Variants in CSMD1 observed in about 807,000 individuals in gnomAD.
The protein encoded by CSMD1 is CUB and Sushi multiple domains 1.
A neutral mutation model predicts 417.5 loss-of-function variants in CSMD1; 213 were observed. The observed-to-expected ratio is 0.51, with a 90% CI of 0.46 to 0.57. The LOEUF (loss-of-function observed/expected upper bound fraction) is 0.57, where lower values mean the gene tolerates loss of function less well. Among genes scored for constraint, CSMD1 ranks in the 20% least tolerant of loss-of-function variants. The probability of loss-of-function intolerance (pLI) is 0.00; values close to 1 mark genes in which losing one functional copy is unlikely to be tolerated. For missense variants in CSMD1, 6,923 were observed against 4,529.7 expected (o/e 1.53, Z -15.17); for synonymous variants, 2,862 against 1,736.8 (o/e 1.65, Z -16.11).
chr8:4,158,602 T>C (rs1796972638), intron 3 of CSMD1, among the ~76,000 whole-genome samples: 1 of 152,176 alleles, frequency 6.6e-6, no homozygotes, highest in Non-Finnish European at 1.5e-5. Flanking sequence ...CTTCTTATTT[T>C]TCTGGCCCAG....
At chr8:2,955,537 T>C (rs949565269) in intron 64 of CSMD1, 52 bp downstream of exon 64, 18 of 1,582,572 alleles carry the variant, frequency 1.1e-5, no homozygotes, top group Non-Finnish European at 1.6e-5. Context: ...GGGCAGCTGA[T>C]CCTTTCCCTT....
At position 4,110,485 on chromosome 8, in the gene CSMD1, A is replaced by G. The variant is rs574374079; in HGVS notation, c.416-78386T>C. Among the ~76,000 whole-genome samples, 43 of 152,272 alleles carry G rather than the reference A, an allele frequency of 2.8e-4. No individual in the cohort carries two copies. In the South Asian group the frequency reaches 8.9e-3, roughly 32 times the overall value. The stretch of plus-strand genomic sequence containing the variant: ...TCTCATAAATACTCCAAGAAATGTT[A>G]ACTTTTCATATATTATTTTCCCCTA... On this transcript the variant is annotated intron_variant, in intron 3 of 69. Coordinates refer to ENST00000635120, the MANE Select transcript of CSMD1 (RefSeq NM_033225.6).
intron 3 of CSMD1, among the ~76,000 whole-genome samples, chr8:4,086,220 C>T (rs924436251): frequency 3.3e-5 from 5 of 152,088 alleles, no homozygotes; most frequent in Admixed American, 2.6e-4. Flanking sequence ...TCACATCACT[C>T]TTCTGGTACA....
chr8:3,909,367 G>A (rs182569481), intron 5 of CSMD1, among the ~76,000 whole-genome samples: 280 of 152,194 alleles, frequency 1.8e-3, no homozygotes, highest in Non-Finnish European at 2.9e-3. Flanking sequence ...ACTCACATTC[G>A]TCAGGAGGAA....
chr8:4,290,248 C>T (rs912450626), intron 3 of CSMD1, among the ~76,000 whole-genome samples: 1 of 151,924 alleles, frequency 6.6e-6, no homozygotes. Flanking sequence ...TGTTTAGGCC[C>T]GAGGGTGATG....
At chr8:3,511,863 C>T (rs1201133598) in intron 10 of CSMD1, among the ~76,000 whole-genome samples, 1 of 149,610 alleles carries the variant, frequency 6.7e-6, no homozygotes, top group Non-Finnish European at 1.5e-5. Flanking sequence ...ATGTAATATG[C>T]AATTTATCGC....
intron 10 of CSMD1, among the ~76,000 whole-genome samples, chr8:3,565,131 C>CAAAAAAAAAAAAAAAAAAAAAAAA (rs869248314): frequency 1.9e-4 from 2 of 10,450 alleles, no homozygotes; most frequent in African/African-American, 2.7e-4. Flanking sequence ...TGCAAGACAG[C>CAAAAAAAAAAAAAAAAAAAAAAAA]AAAAAAAAAA....
intron 42 of CSMD1, among the ~76,000 whole-genome samples, chr8:3,112,779 A>T (rs975753133): frequency 7.9e-5 from 12 of 152,194 alleles, no homozygotes; most frequent in Non-Finnish European, 1.6e-4. Context: ...TGTGAAGGAA[A>T]ATAACAGACG....
chr8:4,428,000 G>C (rs1315303779), intron 2 of CSMD1, among the ~76,000 whole-genome samples: 5 of 152,134 alleles, frequency 3.3e-5, no homozygotes, highest in Non-Finnish European at 7.4e-5. Context: ...CAGTAGTAAA[G>C]ATATTCCAAG....
At chr8:4,771,574 G>T (rs769537256) in intron 1 of CSMD1, among the ~76,000 whole-genome samples, 1 of 152,196 alleles carries the variant, frequency 6.6e-6, no homozygotes, top group African/African-American at 2.4e-5. Flanking sequence ...ATCCTGAAAA[G>T]AAATGGGATG....
chr8:4,449,655 C>A (rs758235378), intron 2 of CSMD1, among the ~76,000 whole-genome samples: 1 of 152,084 alleles, frequency 6.6e-6, no homozygotes, highest in African/African-American at 2.4e-5. Flanking sequence ...AGATCATGAA[C>A]ATAATCAGCC....
chr8:4,797,386 C>A (rs1307993024), intron 1 of CSMD1, among the ~76,000 whole-genome samples: 4 of 152,128 alleles, frequency 2.6e-5, no homozygotes, highest in African/African-American at 4.8e-5. Context: ...CCGCCTGAAT[C>A]TAGGGATCAA....
At chr8:4,212,751 CTTTTTTTTTTTT>C (rs5889027) in intron 3 of CSMD1, among the ~76,000 whole-genome samples, 1 of 99,268 alleles carries the variant, frequency 1.0e-5, no homozygotes, top group Admixed American at 1.1e-4. Context: ...CGGCCTTATT[CTTTTTTTTTTTT>C]TTTTTTTTTT....
intron 3 of CSMD1, among the ~76,000 whole-genome samples, chr8:4,148,073 G>C (rs1252898379): frequency 1.3e-5 from 2 of 152,092 alleles, no homozygotes; most frequent in African/African-American, 2.4e-5. Flanking sequence ...GCAGGAGGAA[G>C]ACTTTTCTCT....
At chr8:3,028,786 C>T (rs888733464) in intron 51 of CSMD1, among the ~76,000 whole-genome samples, 1 of 152,168 alleles carries the variant, frequency 6.6e-6, no homozygotes, top group African/African-American at 2.4e-5. Flanking sequence ...AGATTGTATA[C>T]TAGACACATC....
chr8:4,367,741 A>C (rs1443885010), intron 3 of CSMD1, among the ~76,000 whole-genome samples: 1 of 152,098 alleles, frequency 6.6e-6, no homozygotes, highest in Non-Finnish European at 1.5e-5. Context: ...TTCTTTCAGC[A>C]GTGTTTTGTA....
rs2129006101 is a variant in CSMD1, at chr8:3,087,097, C to T, written c.7474G>A (p.Ala2492Thr). The change falls in exon 49 of 70, where the codon GCT becomes ACT. Residue 2492 changes from alanine to threonine, a missense_variant and splice_region_variant. Physicochemically the swap from Ala to Thr is moderately conservative, Grantham distance 58 (BLOSUM62 0). Transcript: ENST00000635120. Reference sequence around the variant, plus strand: ...CTGGGGATGAAAACGCATTTCTTACCCTGGCAGAGTGGCGTGAGGGAGTCC... The same window carrying T: ...CTGGGGATGAAAACGCATTTCTTACTCTGGCAGAGTGGCGTGAGGGAGTCC... ...QWDSLTPLCQAVSCGIPESPG... is the reference protein window; with the variant it reads ...QWDSLTPLCQTVSCGIPESPG... 2 of 1,612,556 alleles carry T rather than the reference C, an allele frequency of 1.2e-6. No individual in the cohort carries two copies. Among genetic ancestry groups the T allele is most frequent in the Non-Finnish European group, 8.5e-7 (1 of 1,179,482 alleles).
intron 2 of CSMD1, among the ~76,000 whole-genome samples, chr8:4,545,436 G>C (rs1585230806): frequency 6.6e-6 from 1 of 152,190 alleles, no homozygotes; most frequent in Non-Finnish European, 1.5e-5. Flanking sequence ...TACATATTAG[G>C]AGAGAGGTAA....
intron 3 of CSMD1, among the ~76,000 whole-genome samples, chr8:4,296,935 G>A (rs79649354): frequency 6.6e-6 from 1 of 151,946 alleles, no homozygotes. Context: ...ATGGACAATG[G>A]TACACAAATG....
Sources: allele counts gnomAD v4.1 joint callset (sites outside exome capture counted in the v4.1 genomes callset), GRCh38; gene constraint gnomAD v4.1.1; transcripts MANE v1.5; gene names NCBI Gene and HGNC (gene_info 2026-07-23, HGNC 2026-07-21).